Variants in ZAR1 observed in about 807,000 individuals in gnomAD.
ZAR1 encodes zygote arrest protein 1.
In ZAR1, 37 loss-of-function variants were observed where a neutral mutation model predicts 38.3. The ratio of observed to expected loss-of-function variants is 0.97; its 90% CI spans 0.74 to 1.27. The LOEUF (loss-of-function observed/expected upper bound fraction) is 1.27, where lower values mean the gene tolerates loss of function less well. Ranked by LOEUF, ZAR1 falls within the 50% of genes most tolerant of loss-of-function variation. The pLI, the probability that ZAR1 is intolerant of heterozygous loss-of-function variation, is 0.00. For missense variants in ZAR1, 651 were observed against 632.4 expected (o/e 1.03, Z -0.32); for synonymous variants, 336 against 292.0 (o/e 1.15, Z -1.53).
rs777159547 is a variant in ZAR1 at position 48,490,287 on chromosome 4, C to T, written c.-5C>T. ...GGTGCGGCGGCGGGCGGGAGCAGTG[C>T]GCCCATGGCGGCCCTGGGGGACGAG... On this transcript the variant is annotated 5_prime_UTR_variant, in exon 1 of 4. Coordinates refer to ENST00000327939, the MANE Select transcript of ZAR1 (RefSeq NM_175619.3). 1.3e-6 allele frequency: 2 copies of T among 1,496,942 alleles called. No individual in the cohort carries two copies. The highest frequency in any genetic ancestry group is 1.2e-5 in the South Asian group (1 of 80,500). The allele number at this position is 1,496,942 out of a possible 1,614,324, so 92.7% of individuals were successfully genotyped here.
downstream of ZAR1, among the ~76,000 whole-genome samples, chr4:48,494,766 CAT>C (rs1213529511): frequency 6.6e-6 from 1 of 151,686 alleles, no homozygotes; most frequent in African/African-American, 2.4e-5. Flanking sequence ...TTATTGGTTG[CAT>C]GAGACCGTTG....
At chr4:48,491,336 G>A in intron 1 of ZAR1, 82 bp downstream of exon 1, 1 of 1,083,464 alleles carries the variant, frequency 9.2e-7, no homozygotes, top group Non-Finnish European at 1.2e-6. Flanking sequence ...ACTGCTTCGG[G>A]CACTCGGAGG....
Position 48,494,326 on chromosome 4 carries a change from C to G in ZAR1, c.*82C>G, listed in dbSNP as rs1021807614. On this transcript the variant is annotated 3_prime_UTR_variant, in exon 4 of 4. Transcript: ENST00000327939. Reference sequence around the variant, plus strand: ...TGCCTCTCCTCCACCTCTCCCTTCTCAAAATACTTCATGAAAGGCAGTGTA... The same window carrying G: ...TGCCTCTCCTCCACCTCTCCCTTCTGAAAATACTTCATGAAAGGCAGTGTA... 5 of 1,538,422 alleles carry G rather than the reference C, an allele frequency of 3.3e-6. No homozygotes were observed. Among genetic ancestry groups the G allele is most frequent in the Middle Eastern group, 1.9e-4 (1 of 5,338 alleles).
Position 48,490,350 on chromosome 4 carries a change from G to A in ZAR1, c.59G>A (p.Cys20Tyr), listed in dbSNP as rs1262528313. 3 of 1,513,698 alleles carry A rather than the reference G, an allele frequency of 2.0e-6. No homozygotes were observed. Among genetic ancestry groups the A allele is most frequent in the African/African-American group, 1.4e-5 (1 of 69,428 alleles). The allele number at this position is 1,513,698 out of a possible 1,614,324, so 93.8% of individuals were successfully genotyped here. ...DGYVFPACPP[C>Y]SYRYPYPAAT... ...TACGTGTTCCCGGCGTGCCCCCCCT[G>A]CTCGTACCGGTACCCATACCCCGCG... is the stretch of plus-strand genomic sequence containing the variant. The change falls in exon 1 of 4, where the codon TGC becomes TAC. Residue 20 changes from cysteine (C) to tyrosine (Y), a missense_variant. By Grantham distance (194) the Cys-to-Tyr change is radical. Coordinates refer to ENST00000327939, the MANE Select transcript of ZAR1 (RefSeq NM_175619.3).
chr4:48,492,880 G>A (rs1718484694), intron 2 of ZAR1, 22 bp downstream of exon 2: 21 of 1,613,800 alleles, frequency 1.3e-5, no homozygotes, highest in Non-Finnish European at 1.8e-5. Context: ...CAGGTAACTG[G>A]CATCTTCTTG....
intron 1 of ZAR1, 44 bp downstream of exon 1, chr4:48,491,298 G>GGGT: frequency 8.2e-7 from 1 of 1,218,782 alleles, no homozygotes; most frequent in Non-Finnish European, 1.0e-6. Context: ...CCGGGGGTGC[G>GGGT]GGTGTCTTCC....
chr4:48,495,203 G>A (rs930069709), downstream of ZAR1, among the ~76,000 whole-genome samples: 1 of 152,172 alleles, frequency 6.6e-6, no homozygotes, highest in Non-Finnish European at 1.5e-5. Flanking sequence ...TCCTAGTTGA[G>A]GATGGGACTG....
chr4:48,496,231 G>C (rs1213225885), downstream of ZAR1, among the ~76,000 whole-genome samples: 1 of 152,212 alleles, frequency 6.6e-6, no homozygotes, highest in African/African-American at 2.4e-5. Context: ...CAAGGCTAGA[G>C]AGAAATGACA....
At chr4:48,491,307 C>T in intron 1 of ZAR1, 53 bp downstream of exon 1, 2 of 1,204,804 alleles carry the variant, frequency 1.7e-6, no homozygotes, top group Non-Finnish European at 2.1e-6. Flanking sequence ...CGGGTGTCTT[C>T]CTTGGGCCTG....
Position 48,490,276 on chromosome 4 carries a change from C to A in ZAR1, c.-16C>A, listed in dbSNP as rs1306632966. 1 of 1,492,314 alleles carries A rather than the reference C, an allele frequency of 6.7e-7. No homozygotes were observed. Among genetic ancestry groups the A allele is most frequent in the Middle Eastern group, 1.7e-4 (1 of 5,802 alleles). 92.4% of individuals were successfully genotyped at this position (1,492,314 alleles called of 1,614,324 possible). On this transcript the variant is annotated 5_prime_UTR_variant, in exon 1 of 4. Coordinates refer to ENST00000327939, the MANE Select transcript of ZAR1 (RefSeq NM_175619.3). ...CGCCTATTTAGGGTGCGGCGGCGGG[C>A]GGGAGCAGTGCGCCCATGGCGGCCC...
downstream of ZAR1, among the ~76,000 whole-genome samples, chr4:48,495,197 A>G (rs922802156): frequency 1.3e-5 from 2 of 152,128 alleles, no homozygotes; most frequent in Admixed American, 6.5e-5. Context: ...GAATGTTCCT[A>G]GTTGAGGATG....
In ZAR1 at chr4:48,490,448, C is replaced by T. The variant is rs1346253409; in HGVS notation, c.157C>T (p.Pro53Ser). The change falls in exon 1 of 4, where the codon CCC becomes TCC. Residue 53 changes from proline to serine, a missense_variant. Pro to Ser is a moderately conservative substitution (Grantham distance 74). Around this residue, in one of 2 missense-constraint regions of ZAR1, gnomAD observed 522 missense variants for 459.9 expected, o/e 1.14. Transcript: ENST00000327939. ...CAGGGGCTGCCTTCCCGCCTCCTCC[C>T]CCTGCTCGGCGGGCGCGGCCTCGTT... is the stretch of plus-strand genomic sequence containing the variant. ...RGRGCLPASS[P>S]CSAGAASLSF... 5.5e-6 allele frequency: 8 copies of T among 1,466,156 alleles called. No individual in the cohort carries two copies. Among genetic ancestry groups the T allele is most frequent in the South Asian group, 5.3e-5 (4 of 75,306 alleles). 90.8% of individuals were successfully genotyped at this position (1,466,156 alleles called of 1,614,324 possible).
At chr4:48,491,567 C>A (rs1173161146) in intron 1 of ZAR1, among the ~76,000 whole-genome samples, 1 of 89,716 alleles carries the variant, frequency 1.1e-5, no homozygotes, top group Non-Finnish European at 2.8e-5. Flanking sequence ...CAGCCCTGAC[C>A]GCACGGTTGG....
At chr4:48,491,550 C>T (rs1718444078) in intron 1 of ZAR1, among the ~76,000 whole-genome samples, 2 of 128,560 alleles carry the variant, frequency 1.6e-5, no homozygotes, top group Admixed American at 8.5e-5. Context: ...GCAGTGGGCG[C>T]ATAGGCCAGC....
In ZAR1 at chr4:48,490,339, G is replaced by T. The variant is rs772937768; in HGVS notation, c.48G>T (p.Ala16=). Residue 16 remains alanine, a synonymous_variant, in exon 1 of 4, where the codon GCG becomes GCT. Transcript: ENST00000327939. ...TGCTGGACGGTTACGTGTTCCCGGC[G>T]TGCCCCCCCTGCTCGTACCGGTACC... ...DEVLDGYVFP[A]CPPCSYRYPY... 1 of 1,513,916 alleles carries T rather than the reference G, an allele frequency of 6.6e-7. No homozygotes were observed. 93.8% of individuals were successfully genotyped at this position (1,513,916 alleles called of 1,614,324 possible). A position where few individuals can be genotyped will look rare whatever the true frequency, so the allele number is the denominator to read the frequency against.
chr4:48,494,028 G>A (rs1718516281), intron 3 of ZAR1, 73 bp from the exon 4 acceptor site: 2 of 1,546,216 alleles, frequency 1.3e-6, no homozygotes, highest in Non-Finnish European at 1.7e-6. Context: ...GAATGGACTA[G>A]AAAAATGTTG....
At chr4:48,491,503 G>A (rs1718442551) in intron 1 of ZAR1, among the ~76,000 whole-genome samples, 2 of 152,224 alleles carry the variant, frequency 1.3e-5, no homozygotes, top group African/African-American at 4.8e-5. Context: ...CCCTTGGGAC[G>A]TTCTTATAAC....
chr4:48,490,413 A>T lies in ZAR1; in HGVS notation c.122A>T (p.Gln41Leu). 6.7e-7 allele frequency: 1 copy of T among 1,488,988 alleles called. No individual in the cohort carries two copies. The highest frequency in any genetic ancestry group is 8.9e-7 in the Non-Finnish European group (1 of 1,123,650). The allele number at this position is 1,488,988 out of a possible 1,614,324, so 92.2% of individuals were successfully genotyped here. The change falls in exon 1 of 4, where the codon CAG (glutamine) becomes CTG (leucine). Residue 41 changes from glutamine to leucine, a missense_variant. Physicochemically the swap from Gln to Leu is moderately radical, Grantham distance 113. Coordinates refer to ENST00000327939, the MANE Select transcript of ZAR1 (RefSeq NM_175619.3). ...AAGGGCGCGGCGGGCGGCAGCTGGC[A>T]GCAGCGCGGCAGGGGCTGCCTTCCC... is the stretch of plus-strand genomic sequence containing the variant. ...KGKGAAGGSW[Q>L]QRGRGCLPAS...
intron 1 of ZAR1, among the ~76,000 whole-genome samples, chr4:48,491,534 C>A (rs937199400): frequency 2.6e-5 from 4 of 151,114 alleles, no homozygotes; most frequent in Non-Finnish European, 1.5e-5. Context: ...GCACTGTAAA[C>A]CTCGCGCAGT....
Sources: gnomAD v4.1 joint callset for allele counts (sites outside exome capture counted in the v4.1 genomes callset) on GRCh38, gnomAD v4.1.1 for gene constraint, gnomAD v4.1.1 regional missense constraint, MANE v1.5 for transcripts, NCBI Gene and HGNC (gene_info 2026-07-23, HGNC 2026-07-21) for gene names.